TYW1: variants seen among roughly 807,000 people sequenced by gnomAD.
TYW1 encodes the protein S-adenosyl-L-methionine-dependent tRNA 4-demethylwyosine synthase TYW1.
In TYW1, 46 loss-of-function variants were observed where a neutral mutation model predicts 96.2. The observed-to-expected ratio is 0.48, with a 90% confidence interval of 0.38 to 0.61. The LOEUF is 0.61. TYW1 is among the 20% of genes least tolerant of loss of function. TYW1 has a pLI of 0.00. For missense variants in TYW1, 684 were observed against 909.6 expected (o/e 0.75, Z 3.19); for synonymous variants, 274 against 323.0 (o/e 0.85, Z 1.63).
chr7:67,034,146 C>T (rs1433892411), intron 7 of TYW1, among the ~76,000 whole-genome samples: 1 of 148,632 alleles, frequency 6.7e-6, no homozygotes, highest in African/African-American at 2.5e-5. Context: ...CTCTGTTGCC[C>T]AGGCCGGAGT....
intron 12 of TYW1, among the ~76,000 whole-genome samples, chr7:67,113,626 T>G (rs113552816): frequency 0.27 from 40,786 of 150,854 alleles, 6,261 homozygotes; most frequent in African/African-American, 0.42. Context: ...TCTTTCTTTC[T>G]TTCTTTTTCT....
chr7:67,071,205 C>T (rs1447230019), intron 10 of TYW1, among the ~76,000 whole-genome samples: 1 of 151,694 alleles, frequency 6.6e-6, no homozygotes, highest in Non-Finnish European at 1.5e-5. Flanking sequence ...TCTCACTCTT[C>T]AGGGTTTGTT....
At chr7:67,012,953 A>G (rs28697280) in intron 4 of TYW1, among the ~76,000 whole-genome samples, 10,747 of 151,782 alleles carry the variant, frequency 0.071, 1,250 homozygotes, top group African/African-American at 0.25. Context: ...CATCCCAAAC[A>G]TTTTGGATAA....
At chr7:67,174,555 T>C (rs1317620181) in intron 13 of TYW1, among the ~76,000 whole-genome samples, 1 of 148,010 alleles carries the variant, frequency 6.8e-6, no homozygotes, top group Non-Finnish European at 1.5e-5. Flanking sequence ...TAAAAATCAA[T>C]AAGCTAAATG....
At chr7:67,001,667 A>G (rs944338105) in intron 3 of TYW1, among the ~76,000 whole-genome samples, 3 of 151,426 alleles carry the variant, frequency 2.0e-5, no homozygotes, top group African/African-American at 4.8e-5. Context: ...TGATCTGCCC[A>G]CCTTGGCCTC....
intron 10 of TYW1, among the ~76,000 whole-genome samples, chr7:67,071,688 T>C (rs1293665473): frequency 2.0e-5 from 3 of 152,044 alleles, no homozygotes; most frequent in Non-Finnish European, 4.4e-5. Context: ...TGGCACAATC[T>C]CAGCTCACTG....
chr7:67,107,236 T>A (rs1174443351), intron 12 of TYW1, among the ~76,000 whole-genome samples: 3 of 152,240 alleles, frequency 2.0e-5, no homozygotes, highest in African/African-American at 7.2e-5. Context: ...AATAGAAGTT[T>A]CTTGCAATAG....
intron 14 of TYW1, among the ~76,000 whole-genome samples, chr7:67,189,990 T>C (rs1437374242): frequency 6.6e-6 from 1 of 151,742 alleles, no homozygotes; most frequent in Non-Finnish European, 1.5e-5. Flanking sequence ...TGTAACACAA[T>C]CCATTTGTAA....
chr7:67,024,022 A>G (rs1271998580), intron 6 of TYW1, among the ~76,000 whole-genome samples: 1 of 152,046 alleles, frequency 6.6e-6, no homozygotes, highest in East Asian at 1.9e-4. Context: ...GTGTCTTCCC[A>G]GTGATGTCAC....
intron 13 of TYW1, among the ~76,000 whole-genome samples, chr7:67,155,852 A>G (rs1387008074): frequency 1.3e-5 from 2 of 151,478 alleles, no homozygotes; most frequent in Non-Finnish European, 2.9e-5. Flanking sequence ...TTCCAATTTT[A>G]TGGATTAGCT....
intron 11 of TYW1, among the ~76,000 whole-genome samples, chr7:67,084,107 G>A (rs55634624): frequency 6.6e-6 from 1 of 152,206 alleles, no homozygotes; most frequent in Non-Finnish European, 1.5e-5. Context: ...CTTTACCTGG[G>A]AATGTACCAT....
intron 13 of TYW1, among the ~76,000 whole-genome samples, chr7:67,161,816 C>T (rs971489933): frequency 1.3e-5 from 2 of 152,102 alleles, no homozygotes; most frequent in African/African-American, 4.8e-5. Flanking sequence ...TCCAGATTCA[C>T]GTTCTTATGT....
chr7:67,076,525 G>GGCA (rs1480735946), intron 10 of TYW1, among the ~76,000 whole-genome samples: 1 of 151,968 alleles, frequency 6.6e-6, no homozygotes, highest in Non-Finnish European at 1.5e-5. Context: ...GCCCAGGCTG[G>GGCA]AGTGCAGTGG....
At chr7:67,103,891 GAAAC>G (rs1334916036) in intron 12 of TYW1, among the ~76,000 whole-genome samples, 2 of 152,162 alleles carry the variant, frequency 1.3e-5, no homozygotes, top group Non-Finnish European at 2.9e-5. Context: ...AAAGAAGAGA[GAAAC>G]AAGAAGGGCA....
chr7:67,074,537 T>C (rs1475230821), intron 10 of TYW1, among the ~76,000 whole-genome samples: 2 of 152,148 alleles, frequency 1.3e-5, no homozygotes, highest in African/African-American at 4.8e-5. Flanking sequence ...TCTAAGTAAA[T>C]GGAGATATTT....
chr7:67,056,262 T>G (rs1584508427), intron 9 of TYW1, among the ~76,000 whole-genome samples: 1 of 152,128 alleles, frequency 6.6e-6, no homozygotes, highest in African/African-American at 2.4e-5. Flanking sequence ...GGAGGCCAGG[T>G]GGGCGGATCA....
rs189460216 is a variant in TYW1 at position 67,135,415 on chromosome 7, C to G, written c.1698+17797C>G. Among the ~76,000 whole-genome samples the G allele has an allele frequency of 2.7e-3, 407 of 149,290 alleles. 1 individual carries two copies. The highest frequency in any genetic ancestry group is 4.5e-3 in the Non-Finnish European group (307 of 67,666). On this transcript the variant is annotated intron_variant, in intron 13 of 15. Transcript: ENST00000359626. ...CGCCTCCTGGGTTCAAGCGATCCTCCCACCTCAGCTTCCCAAGTATCTGAG... is the reference window on the plus strand; with the variant it reads ...CGCCTCCTGGGTTCAAGCGATCCTCGCACCTCAGCTTCCCAAGTATCTGAG...
At chr7:67,119,824 G>C (rs1278472661) in intron 13 of TYW1, among the ~76,000 whole-genome samples, 1 of 151,998 alleles carries the variant, frequency 6.6e-6, no homozygotes, top group Non-Finnish European at 1.5e-5. Flanking sequence ...GTCTTGCTCT[G>C]TCACCAAAGC....
chr7:67,164,848 G>T (rs966562209), intron 13 of TYW1, among the ~76,000 whole-genome samples: 2 of 151,626 alleles, frequency 1.3e-5, no homozygotes, highest in Admixed American at 1.3e-4. Context: ...CCATTCCTTG[G>T]GATTGAACAT....
Sources: gnomAD v4.1 joint callset for allele counts (sites outside exome capture counted in the v4.1 genomes callset) on GRCh38, gnomAD v4.1.1 for gene constraint, MANE v1.5 for transcripts, NCBI Gene and HGNC (gene_info 2026-07-23, HGNC 2026-07-21) for gene names.